The following NCOA1 variants were observed in gnomAD, a reference collection of about 807,000 sequenced individuals.
The protein encoded by NCOA1 is nuclear receptor coactivator 1.
A neutral mutation model predicts 150.9 loss-of-function variants in NCOA1; 35 were observed. That is an observed-to-expected ratio of 0.23 (90% CI 0.18 to 0.31). The LOEUF (loss-of-function observed/expected upper bound fraction) is 0.31, where lower values mean the gene tolerates loss of function less well. Ranked by LOEUF, NCOA1 falls within the 10% of genes least tolerant of loss-of-function variation. NCOA1 has a pLI of 1.00. For missense variants in NCOA1, 1,491 were observed against 1,749.3 expected (o/e 0.85, Z 2.63); for synonymous variants, 590 against 630.0 (o/e 0.94, Z 0.95).
At chr2:24,739,674 TTAA>T in intron 18 of NCOA1, 141 bp downstream of exon 18, 1 of 565,740 alleles carries the variant, frequency 1.8e-6, no homozygotes, top group East Asian at 2.9e-5. Flanking sequence ...TGAGAATGAA[TTAA>T]TAATCTACTT....
chr2:24,519,665 A>G (rs1352916472), intron 1 of NCOA1, among the ~76,000 whole-genome samples: 1 of 151,628 alleles, frequency 6.6e-6, no homozygotes, highest in Non-Finnish European at 1.5e-5. Context: ...AAAAAAAAAA[A>G]AAAAAATTAG....
Position 24,714,317 on chromosome 2 carries a change from A to G in NCOA1, c.2599+3206A>G, listed in dbSNP as rs562801067. Among the ~76,000 whole-genome samples, 3 of 152,348 alleles carry G rather than the reference A, an allele frequency of 2.0e-5. No individual in the cohort carries two copies. In the South Asian group the frequency reaches 6.2e-4, roughly 32 times the overall value. The stretch of plus-strand genomic sequence containing the variant: ...ATTCATAATTTCCAACATATAATAA[A>G]AAAAATTAAGACACATGATGTAGCA... On this transcript the variant is annotated intron_variant, in intron 14 of 22. Coordinates refer to ENST00000348332, the MANE Select transcript of NCOA1 (RefSeq NM_003743.5).
chr2:24,531,401 G>A (rs1184269148), intron 1 of NCOA1, among the ~76,000 whole-genome samples: 1 of 151,712 alleles, frequency 6.6e-6, no homozygotes, highest in Non-Finnish European at 1.5e-5. Flanking sequence ...GCCATAAAAA[G>A]AAAAAAAATA....
chr2:24,710,966 G>A lies in NCOA1; in HGVS notation c.2454G>A (p.Leu818=). ...ACCTTGACCAGTTTGATCAGTTACT[G>A]CCCACGCTGGAGAAGGCAGCACAGT... is the stretch of plus-strand genomic sequence containing the variant. The part of the protein sequence containing the change: ...TADLDQFDQL[L]PTLEKAAQLP... The change falls in exon 14 of 23, where the codon CTG becomes CTA. Residue 818 remains leucine, a synonymous_variant. Coordinates refer to ENST00000348332, the MANE Select transcript of NCOA1 (RefSeq NM_003743.5). 6.2e-7 allele frequency: 1 copy of A among 1,614,076 alleles called. No homozygotes were observed.
At chr2:24,644,341 T>C (rs115836938) in intron 4 of NCOA1, among the ~76,000 whole-genome samples, 2,112 of 152,280 alleles carry the variant, frequency 0.014, 48 homozygotes, top group African/African-American at 0.049. Flanking sequence ...AAATCACTTA[T>C]GATGAGACCC....
At position 24,735,532 on chromosome 2, in the gene NCOA1, A is replaced by G. The variant is rs575948975; in HGVS notation, c.3202-3900A>G. Among the ~76,000 whole-genome samples, 34 of 152,176 alleles carry G rather than the reference A, an allele frequency of 2.2e-4. No homozygotes were observed. In the South Asian group the frequency reaches 6.8e-3, roughly 31 times the overall value. Reference sequence around the variant, plus strand: ...TTAAAAACAGATGTTGAAAAAATATATATATATAAATAGATATCATTTATT... The same window carrying G: ...TTAAAAACAGATGTTGAAAAAATATGTATATATAAATAGATATCATTTATT... On this transcript the variant is annotated intron_variant, in intron 17 of 22. Coordinates refer to ENST00000348332, the MANE Select transcript of NCOA1 (RefSeq NM_003743.5).
At chr2:24,518,797 T>C (rs925020474) in intron 1 of NCOA1, among the ~76,000 whole-genome samples, 2 of 152,144 alleles carry the variant, frequency 1.3e-5, no homozygotes. Flanking sequence ...CACTGAAAAT[T>C]ATAAAGTGTT....
At chr2:24,750,541 T>C (rs1664165588) in intron 19 of NCOA1, among the ~76,000 whole-genome samples, 1 of 152,178 alleles carries the variant, frequency 6.6e-6, no homozygotes, top group Admixed American at 6.5e-5. Flanking sequence ...TGGCTGAACC[T>C]CAAAAACATT....
At chr2:24,698,314 G>A (rs1672996276) in intron 11 of NCOA1, among the ~76,000 whole-genome samples, 1 of 152,084 alleles carries the variant, frequency 6.6e-6, no homozygotes. Flanking sequence ...GAACAAGCAT[G>A]TCAAAGGCCT....
intron 1 of NCOA1, among the ~76,000 whole-genome samples, chr2:24,563,177 G>A (rs1287466649): frequency 6.6e-6 from 1 of 152,210 alleles, no homozygotes; most frequent in African/African-American, 2.4e-5. Context: ...ACTTACATAA[G>A]AGGGATTTCC....
At chr2:24,704,001 T>G (rs1673292002) in intron 11 of NCOA1, among the ~76,000 whole-genome samples, 1 of 152,190 alleles carries the variant, frequency 6.6e-6, no homozygotes, top group Admixed American at 6.5e-5. Flanking sequence ...AGCCTTTACG[T>G]ATTTAATAAA....
At chr2:24,568,832 C>T (rs961148492) in intron 2 of NCOA1, among the ~76,000 whole-genome samples, 1 of 152,152 alleles carries the variant, frequency 6.6e-6, no homozygotes, top group Admixed American at 6.5e-5. Context: ...TTTTGTTTTT[C>T]AGCTGGATGA....
chr2:24,563,686 T>G (rs1261231124), intron 1 of NCOA1, among the ~76,000 whole-genome samples: 1 of 152,060 alleles, frequency 6.6e-6, no homozygotes, highest in Non-Finnish European at 1.5e-5. Context: ...CCCAGCTAAT[T>G]TTTGTAATTT....
chr2:24,603,294 T>C (rs1668212277), intron 3 of NCOA1, among the ~76,000 whole-genome samples: 1 of 152,232 alleles, frequency 6.6e-6, no homozygotes, highest in Admixed American at 6.5e-5. Flanking sequence ...TACCTCAATG[T>C]TGATGGTTGC....
chr2:24,629,814 A>ATATG, intron 3 of NCOA1, among the ~76,000 whole-genome samples: 1 of 34,216 alleles, frequency 2.9e-5, no homozygotes, highest in African/African-American at 1.1e-4. Context: ...AGTAACATAC[A>ATATG]TACATATATA....
intron 14 of NCOA1, among the ~76,000 whole-genome samples, chr2:24,717,560 C>T (rs1274957912): frequency 2.0e-5 from 3 of 152,044 alleles, no homozygotes; most frequent in Admixed American, 2.0e-4. Flanking sequence ...ACCTAAAAAT[C>T]CCCTGTGTTC....
chr2:24,619,025 T>G (rs1391069317), intron 3 of NCOA1, among the ~76,000 whole-genome samples: 1 of 152,244 alleles, frequency 6.6e-6, no homozygotes, highest in Non-Finnish European at 1.5e-5. Context: ...GTTACCATTA[T>G]TGCTTTGTTG....
chr2:24,660,518 AT>A (rs1671138563), intron 5 of NCOA1, among the ~76,000 whole-genome samples: 1 of 152,110 alleles, frequency 6.6e-6, no homozygotes, highest in African/African-American at 2.4e-5. Flanking sequence ...CATTTACATA[AT>A]TTATGTAATA....
chr2:24,569,429 A>G (rs1276818340), intron 2 of NCOA1, among the ~76,000 whole-genome samples: 2 of 152,122 alleles, frequency 1.3e-5, no homozygotes, highest in African/African-American at 4.8e-5. Flanking sequence ...CTTTATATTC[A>G]TGATATCATG....
Sources: allele counts gnomAD v4.1 joint callset (sites outside exome capture counted in the v4.1 genomes callset), GRCh38; gene constraint gnomAD v4.1.1; transcripts MANE v1.5; gene names NCBI Gene and HGNC (gene_info 2026-07-23, HGNC 2026-07-21).